NCOA1: variants seen among roughly 807,000 people sequenced by gnomAD.
NCOA1 encodes the protein Hin-2 protein.
Under a neutral mutation model 150.9 loss-of-function variants are expected in NCOA1, and 35 were observed. The observed-to-expected ratio is 0.23, with a 90% CI of 0.18 to 0.31. The LOEUF is 0.31. NCOA1 is among the 10% of genes least tolerant of loss of function. NCOA1 has a pLI of 1.00. For missense variants in NCOA1, 1,491 were observed against 1,749.3 expected (o/e 0.85, Z 2.63); for synonymous variants, 590 against 630.0 (o/e 0.94, Z 0.95).
chr2:24,681,025 T>C (rs1672136675), intron 7 of NCOA1, among the ~76,000 whole-genome samples: 1 of 149,104 alleles, frequency 6.7e-6, no homozygotes, highest in African/African-American at 2.5e-5. Context: ...TTAAAAAAAA[T>C]GATTCTTCCA....
At chr2:24,507,414 A>C (rs1663743572) in intron 1 of NCOA1, among the ~76,000 whole-genome samples, 1 of 147,874 alleles carries the variant, frequency 6.8e-6, no homozygotes, top group Non-Finnish European at 1.5e-5. Context: ...CAGAACATAT[A>C]CAGTGAAGGT....
intron 17 of NCOA1, among the ~76,000 whole-genome samples, chr2:24,733,383 C>CA (rs757003058): frequency 1.2e-4 from 18 of 151,816 alleles, no homozygotes; most frequent in East Asian, 5.8e-4. Context: ...TTTTGAAATA[C>CA]AAAAAAAGCA....
At chr2:24,693,398 T>G in intron 10 of NCOA1, 51 bp downstream of exon 10, 1 of 1,468,218 alleles carries the variant, frequency 6.8e-7, no homozygotes, top group Non-Finnish European at 9.6e-7. Flanking sequence ...AATGTGACTC[T>G]GCCCTTAAAA....
intron 14 of NCOA1, among the ~76,000 whole-genome samples, chr2:24,712,841 A>G (rs1474836906): frequency 7.2e-5 from 11 of 152,266 alleles, no homozygotes; most frequent in Non-Finnish European, 1.5e-5. Flanking sequence ...TCCAGAAAGA[A>G]CAAAAAGATG....
At chr2:24,555,569 A>G (rs1358982810) in intron 1 of NCOA1, among the ~76,000 whole-genome samples, 1 of 152,214 alleles carries the variant, frequency 6.6e-6, no homozygotes, top group African/African-American at 2.4e-5. Context: ...CGATAACTGT[A>G]ATTGTGGATT....
chr2:24,505,064 C>G (rs565761655), intron 1 of NCOA1, among the ~76,000 whole-genome samples: 4 of 152,234 alleles, frequency 2.6e-5, no homozygotes, highest in Admixed American at 2.6e-4. Context: ...TGCAGAACTA[C>G]TAGGAAGCTT....
chr2:24,716,924 G>A (rs1674075336), intron 14 of NCOA1, among the ~76,000 whole-genome samples: 1 of 151,964 alleles, frequency 6.6e-6, no homozygotes, highest in South Asian at 2.1e-4. Context: ...TGATATAAAG[G>A]AGTGATACCC....
intron 2 of NCOA1, among the ~76,000 whole-genome samples, chr2:24,572,068 C>G (rs1666764703): frequency 6.6e-6 from 1 of 152,118 alleles, no homozygotes; most frequent in Non-Finnish European, 1.5e-5. Flanking sequence ...GCACTTAGTA[C>G]ACAGTTTAGC....
intron 3 of NCOA1, among the ~76,000 whole-genome samples, chr2:24,598,040 G>C (rs1667953820): frequency 6.6e-6 from 1 of 151,732 alleles, no homozygotes; most frequent in Non-Finnish European, 1.5e-5. Flanking sequence ...TTAGTTTTTT[G>C]TTCTTGCGAT....
intron 2 of NCOA1, among the ~76,000 whole-genome samples, chr2:24,579,566 G>C (rs570265885): frequency 6.6e-6 from 1 of 152,172 alleles, no homozygotes; most frequent in Admixed American, 6.5e-5. Flanking sequence ...TAGAGCTTGA[G>C]TGGCGAAGAC....
intron 1 of NCOA1, among the ~76,000 whole-genome samples, chr2:24,532,978 A>T (rs1664963812): frequency 6.6e-6 from 1 of 152,142 alleles, no homozygotes; most frequent in Non-Finnish European, 1.5e-5. Flanking sequence ...GTTTTTTCCA[A>T]TTCTGTGAAG....
At chr2:24,703,751 C>A in intron 11 of NCOA1, among the ~76,000 whole-genome samples, 1 of 152,172 alleles carries the variant, frequency 6.6e-6, no homozygotes, top group African/African-American at 2.4e-5. Context: ...TAGAACATGT[C>A]TTGTTTAAGT....
intron 19 of NCOA1, among the ~76,000 whole-genome samples, chr2:24,749,506 C>G (rs1664111523): frequency 6.6e-6 from 1 of 152,182 alleles, no homozygotes; most frequent in South Asian, 2.1e-4. Context: ...AAAGTTCATA[C>G]AGGGCCAGTT....
chr2:24,508,628 C>CT (rs1663806033), intron 1 of NCOA1, among the ~76,000 whole-genome samples: 1 of 151,868 alleles, frequency 6.6e-6, no homozygotes, highest in Non-Finnish European at 1.5e-5. Flanking sequence ...CCCCCATCCC[C>CT]TTTTTTTTCT....
chr2:24,518,778 A>G (rs978254150), intron 1 of NCOA1, among the ~76,000 whole-genome samples: 2 of 152,224 alleles, frequency 1.3e-5, no homozygotes, highest in African/African-American at 4.8e-5. Context: ...AAGATGTTTA[A>G]GACTTGTACA....
intron 1 of NCOA1, among the ~76,000 whole-genome samples, chr2:24,527,916 A>G (rs750790623): frequency 6.6e-6 from 1 of 152,182 alleles, no homozygotes; most frequent in Non-Finnish European, 1.5e-5. Flanking sequence ...CCTTGTGATT[A>G]GTGATATAAA....
At chr2:24,729,437 A>G in intron 16 of NCOA1, 64 bp from the exon 17 acceptor site, 1 of 1,424,138 alleles carries the variant, frequency 7.0e-7, no homozygotes, top group Non-Finnish European at 9.7e-7. Flanking sequence ...TTCTAGAAAT[A>G]CGGAAGCATG....
At chr2:24,678,955 C>T (rs1314294354) in intron 7 of NCOA1, among the ~76,000 whole-genome samples, 1 of 152,116 alleles carries the variant, frequency 6.6e-6, no homozygotes, top group South Asian at 2.1e-4. Flanking sequence ...AATCTCTGCC[C>T]GTGCCTATGT....
chr2:24,707,073 A>G lies in NCOA1; in HGVS notation c.1603A>G (p.Asn535Asp), dbSNP rs369495754. The G allele has an allele frequency of 3.1e-6, 5 of 1,614,096 alleles. No individual in the cohort carries two copies. The highest frequency in any genetic ancestry group is 4.5e-5 in the East Asian group (2 of 44,902). The change falls in exon 13 of 23, where the codon AAC becomes GAC. Residue 535 changes from asparagine (N) to aspartate (D), a missense_variant. Physicochemically the swap from Asn to Asp is conservative, Grantham distance 23 (BLOSUM62 1). Around this residue, in one of 8 missense-constraint regions of NCOA1, gnomAD observed 703 missense variants for 717.7 expected, o/e 0.98. Transcript: ENST00000348332. ...ACNNNNRSYS[N>D]IPVTSLQGMN... ...TAATAATAATAACCGATCTTATTCAAACATCCCAGTAACATCTTTACAGGG... is the reference window on the plus strand; with the variant it reads ...TAATAATAATAACCGATCTTATTCAGACATCCCAGTAACATCTTTACAGGG...
Sources: gnomAD v4.1 joint callset for allele counts (sites outside exome capture counted in the v4.1 genomes callset) on GRCh38, gnomAD v4.1.1 for gene constraint, gnomAD v4.1.1 regional missense constraint, MANE v1.5 for transcripts, NCBI Gene and HGNC (gene_info 2026-07-23, HGNC 2026-07-21) for gene names.